Variants in TMEM167A observed in about 807,000 individuals in gnomAD.
The protein encoded by TMEM167A is protein kish-A.
Under a neutral mutation model 11.6 loss-of-function variants are expected in TMEM167A, and 8 were observed. That is an observed-to-expected ratio of 0.69 (90% CI 0.40 to 1.24). The LOEUF (loss-of-function observed/expected upper bound fraction) is 1.24. TMEM167A is among the 50% of genes most tolerant of loss of function. TMEM167A has a pLI of 0.01. For missense variants in TMEM167A, 62 were observed against 87.0 expected (o/e 0.71, Z 1.14); for synonymous variants, 22 against 28.0 (o/e 0.79, Z 0.67).
intron 3 of TMEM167A, 63 bp from the exon 4 acceptor site, chr5:83,057,217 T>A (rs1171975130): frequency 1.4e-6 from 2 of 1,437,742 alleles, no homozygotes; most frequent in Admixed American, 1.7e-5. Context: ...TATGACAAGG[T>A]TATACTACCA....
At chr5:83,067,211 A>G (rs1309139783) in intron 1 of TMEM167A, among the ~76,000 whole-genome samples, 1 of 151,370 alleles carries the variant, frequency 6.6e-6, no homozygotes, top group Non-Finnish European at 1.5e-5. Flanking sequence ...GTTCATATGG[A>G]AAAAATAAGG....
chr5:83,069,236 T>C (rs1336093488), intron 1 of TMEM167A, among the ~76,000 whole-genome samples: 1 of 152,174 alleles, frequency 6.6e-6, no homozygotes, highest in Non-Finnish European at 1.5e-5. Flanking sequence ...CTTACGGACA[T>C]TAGCCTGCCA....
At chr5:83,076,718 G>T (rs1434865858) in intron 1 of TMEM167A, among the ~76,000 whole-genome samples, 1 of 152,218 alleles carries the variant, frequency 6.6e-6, no homozygotes, top group Non-Finnish European at 1.5e-5. Context: ...AAAAGAGGAG[G>T]AAGGCCTGAG....
chr5:83,072,107 T>C (rs965843124), intron 1 of TMEM167A, among the ~76,000 whole-genome samples: 4 of 152,214 alleles, frequency 2.6e-5, no homozygotes, highest in Non-Finnish European at 5.9e-5. Flanking sequence ...GCAACACTGA[T>C]TTTGTAGTTA....
At chr5:83,074,442 G>C (rs1434754032) in intron 1 of TMEM167A, among the ~76,000 whole-genome samples, 2 of 151,720 alleles carry the variant, frequency 1.3e-5, no homozygotes, top group Admixed American at 1.3e-4. Flanking sequence ...TCTGCTATAA[G>C]AGGAGAGAAA....
chr5:83,070,380 T>C (rs1157552288), intron 1 of TMEM167A, among the ~76,000 whole-genome samples: 1 of 152,184 alleles, frequency 6.6e-6, no homozygotes, highest in Non-Finnish European at 1.5e-5. Context: ...CCCTCTGCAT[T>C]GTAGACTTAT....
At chr5:83,060,572 C>A (rs144470406) in intron 3 of TMEM167A, among the ~76,000 whole-genome samples, 5 of 151,598 alleles carry the variant, frequency 3.3e-5, no homozygotes, top group African/African-American at 1.2e-4. Context: ...TGGCTCATGC[C>A]TGTAATCCCA....
At chr5:83,058,668 C>T (rs747928296) in intron 3 of TMEM167A, among the ~76,000 whole-genome samples, 8 of 152,052 alleles carry the variant, frequency 5.3e-5, no homozygotes, top group South Asian at 4.1e-4. Context: ...GAAATTAATA[C>T]GGTCCTAAGT....
At chr5:83,064,376 G>A (rs772544149) in intron 2 of TMEM167A, 3 of 516,722 alleles carry the variant, frequency 5.8e-6, no homozygotes, top group African/African-American at 1.9e-5. Flanking sequence ...TGATAGCATA[G>A]GGAAAGTATT....
rs143374637 is a variant in TMEM167A at position 83,074,268 on chromosome 5, T to A, written c.3+3053A>T. 2.0e-5 allele frequency among the ~76,000 whole-genome samples: 3 copies of A among 152,206 alleles called. No homozygotes were observed. In the East Asian group the frequency reaches 5.8e-4, roughly 29 times the overall value. On this transcript the variant is annotated intron_variant, in intron 1 of 3. Coordinates refer to ENST00000502346, the MANE Select transcript of TMEM167A (RefSeq NM_174909.5). ...GTTCCCATAACTGCCATTTCCTTTATCTACGGGATAGAGATTGCTGTCCCA... is the reference window on the plus strand; with the variant it reads ...GTTCCCATAACTGCCATTTCCTTTAACTACGGGATAGAGATTGCTGTCCCA...
chr5:83,074,770 G>A (rs180915820), intron 1 of TMEM167A, among the ~76,000 whole-genome samples: 197 of 134,272 alleles, frequency 1.5e-3, no homozygotes, highest in African/African-American at 5.1e-3. Flanking sequence ...TGTATCCCCA[G>A]ACTCTTTTTT....
chr5:83,066,636 AAG>A (rs1005410492), intron 1 of TMEM167A, among the ~76,000 whole-genome samples: 2 of 152,178 alleles, frequency 1.3e-5, no homozygotes, highest in African/African-American at 4.8e-5. Context: ...ATAAAAGTAG[AAG>A]AGACTGTTGC....
Position 83,067,763 on chromosome 5 carries a change from T to G in TMEM167A, c.4-2646A>C, listed in dbSNP as rs7733124. ...CTTGATCTCAAGCGATCTGCCCACC[T>G]TGGCCTCCTAAAGTGCTGGGATTAC... On this transcript the variant is annotated intron_variant, in intron 1 of 3. Transcript: ENST00000502346. 2.9e-3 allele frequency among the ~76,000 whole-genome samples: 443 copies of G among 152,264 alleles called. 1 individual carries two copies. Among genetic ancestry groups the G allele is most frequent in the African/African-American group, 0.01 (424 of 41,564 alleles).
intron 2 of TMEM167A, 146 bp downstream of exon 2, chr5:83,064,862 T>C: frequency 7.0e-6 from 4 of 572,776 alleles, no homozygotes; most frequent in Non-Finnish European, 9.2e-6. Context: ...ATAAAGTTTT[T>C]GAATTTTTAA....
intron 1 of TMEM167A, among the ~76,000 whole-genome samples, chr5:83,066,459 T>C (rs752251202): frequency 6.6e-6 from 1 of 152,134 alleles, no homozygotes; most frequent in African/African-American, 2.4e-5. Context: ...TTAAAATATA[T>C]AAATCAATAG....
intron 1 of TMEM167A, among the ~76,000 whole-genome samples, chr5:83,065,864 T>C (rs1294983286): frequency 3.3e-5 from 5 of 152,146 alleles, no homozygotes; most frequent in Non-Finnish European, 7.4e-5. Context: ...AAATCATAGG[T>C]TTCCAGTTAA....
At chr5:83,057,936 T>C (rs1394332685) in intron 3 of TMEM167A, among the ~76,000 whole-genome samples, 2 of 152,080 alleles carry the variant, frequency 1.3e-5, no homozygotes, top group East Asian at 3.9e-4. Context: ...GTTCCTTCAA[T>C]AACTGCAAGG....
At chr5:83,060,259 C>T (rs1342890018) in intron 3 of TMEM167A, among the ~76,000 whole-genome samples, 2 of 151,722 alleles carry the variant, frequency 1.3e-5, no homozygotes, top group African/African-American at 2.4e-5. Flanking sequence ...AGAATTTAGG[C>T]TGTTGTCAGA....
intron 1 of TMEM167A, among the ~76,000 whole-genome samples, chr5:83,066,870 C>T (rs1433425521): frequency 2.0e-5 from 3 of 151,986 alleles, no homozygotes; most frequent in Non-Finnish European, 4.4e-5. Context: ...GGAGAGAGCA[C>T]GTTGTTATAA....
Sources: allele counts gnomAD v4.1 joint callset (sites outside exome capture counted in the v4.1 genomes callset), GRCh38; gene constraint gnomAD v4.1.1; transcripts MANE v1.5; gene names NCBI Gene and HGNC (gene_info 2026-07-23, HGNC 2026-07-21).